Variants in TTLL11 observed in about 807,000 individuals in gnomAD.
TTLL11 encodes tubulin tyrosine ligase like 11.
TTLL11 carries 42 observed loss-of-function variants against 51.7 expected under a neutral mutation model. The observed-to-expected ratio is 0.81, with a 90% confidence interval of 0.64 to 1.05. The LOEUF (loss-of-function observed/expected upper bound fraction) is 1.05, where lower values mean the gene tolerates loss of function less well. TTLL11 is among the 50% of genes least tolerant of loss of function. TTLL11 has a pLI of 0.00. For synonymous variants in TTLL11, 381 were observed against 383.5 expected (o/e 0.99, Z 0.08); for missense variants, 799 against 940.4 (o/e 0.85, Z 1.97).
At chr9:121,878,773 G>A (rs909557633) in intron 6 of TTLL11, among the ~76,000 whole-genome samples, 1 of 152,222 alleles carries the variant, frequency 6.6e-6, no homozygotes, top group Non-Finnish European at 1.5e-5. Flanking sequence ...TGCCGGCCCT[G>A]AGCATGGAGC....
At chr9:122,018,664 C>G (rs778476461) in intron 3 of TTLL11, among the ~76,000 whole-genome samples, 2 of 152,174 alleles carry the variant, frequency 1.3e-5, no homozygotes, top group African/African-American at 2.4e-5. Flanking sequence ...GGTGCCAGGG[C>G]GCTCCAGCAA....
intron 6 of TTLL11, among the ~76,000 whole-genome samples, chr9:121,871,144 C>T (rs1471624404): frequency 2.0e-5 from 3 of 151,332 alleles, no homozygotes; most frequent in Non-Finnish European, 4.4e-5. Flanking sequence ...GAAGCCAGAA[C>T]ACAGTTCAAC....
intron 6 of TTLL11, among the ~76,000 whole-genome samples, chr9:121,884,036 T>G (rs900005161): frequency 2.0e-5 from 3 of 152,116 alleles, no homozygotes; most frequent in African/African-American, 7.2e-5. Flanking sequence ...GAATACCAAA[T>G]GTAAAGAACC....
intron 1 of TTLL11, among the ~76,000 whole-genome samples, chr9:122,071,441 A>G (rs1324646711): frequency 6.6e-6 from 1 of 152,118 alleles, no homozygotes; most frequent in Non-Finnish European, 1.5e-5. Context: ...AGATGCAAGA[A>G]AGGGGGCACC....
intron 6 of TTLL11, among the ~76,000 whole-genome samples, chr9:121,955,613 G>C (rs1450580182): frequency 1.3e-5 from 2 of 152,154 alleles, no homozygotes; most frequent in Admixed American, 6.5e-5. Context: ...GGGAGCAAAA[G>C]AAAAAGTCTA....
intron 6 of TTLL11, among the ~76,000 whole-genome samples, chr9:121,935,928 C>A (rs958983948): frequency 2.0e-5 from 3 of 152,188 alleles, no homozygotes; most frequent in Non-Finnish European, 4.4e-5. Context: ...CCCGACAGGT[C>A]TCCAGGTACC....
At chr9:122,002,490 AGAG>A (rs1226050239) in intron 3 of TTLL11, among the ~76,000 whole-genome samples, 2 of 152,298 alleles carry the variant, frequency 1.3e-5, no homozygotes, top group Admixed American at 6.5e-5. Context: ...TGACTCAAGG[AGAG>A]GAGAAGGGAA....
At chr9:121,901,110 G>T (rs1480809670) in intron 6 of TTLL11, among the ~76,000 whole-genome samples, 2 of 152,162 alleles carry the variant, frequency 1.3e-5, no homozygotes, top group African/African-American at 2.4e-5. Flanking sequence ...CTGTAAATGG[G>T]ATTGTGCTCT....
Position 121,819,818 on chromosome 9 carries a change from G to A in TTLL11, c.*2769C>T, listed in dbSNP as rs552442290. Among the ~76,000 whole-genome samples the A allele has an allele frequency of 3.9e-5, 6 of 152,304 alleles. No homozygotes were observed. Among genetic ancestry groups the A allele is most frequent in the African/African-American group, 1.2e-4 (5 of 41,550 alleles). On this transcript the variant is annotated 3_prime_UTR_variant, in exon 9 of 9. Coordinates refer to ENST00000321582, the MANE Select transcript of TTLL11 (RefSeq NM_001139442.2). The stretch of plus-strand genomic sequence containing the variant: ...TCGTTTCAATTACATCCAATAAAAC[G>A]AGTGGCCGATTACCAAAGGGGTAAA...
At chr9:121,999,684 T>C (rs2131720210) in intron 3 of TTLL11, among the ~76,000 whole-genome samples, 1 of 152,308 alleles carries the variant, frequency 6.6e-6, no homozygotes, top group East Asian at 1.9e-4. Flanking sequence ...CATTAAAGGG[T>C]GAGCCACATC....
chr9:122,014,872 C>G (rs1200857031), intron 3 of TTLL11, among the ~76,000 whole-genome samples: 1 of 152,142 alleles, frequency 6.6e-6, no homozygotes. Flanking sequence ...GAATGGTCAC[C>G]TTCCTCTACC....
intron 2 of TTLL11, among the ~76,000 whole-genome samples, chr9:122,032,647 C>CAA (rs1384330202): frequency 2.4e-5 from 2 of 85,096 alleles, no homozygotes; most frequent in East Asian, 2.9e-4. Flanking sequence ...GACTCCGTCT[C>CAA]AAAAAAAAAA....
At chr9:122,018,536 T>A (rs1844063413) in intron 3 of TTLL11, among the ~76,000 whole-genome samples, 1 of 152,208 alleles carries the variant, frequency 6.6e-6, no homozygotes, top group African/African-American at 2.4e-5. Context: ...CATTTCATCA[T>A]CACAGACTCA....
Position 122,001,036 on chromosome 9 carries a change from GGTTTT to G in TTLL11, c.694-11271_694-11267del, listed in dbSNP as rs527378693. ...CTGATATTGGTTTTTTTCTTTTTCA[GGTTTT>G]GTTTTGTTTTGTTCTTCAGTACCTT... is the stretch of plus-strand genomic sequence containing the variant. On this transcript the variant is annotated intron_variant, in intron 3 of 8. Coordinates refer to ENST00000321582, the MANE Select transcript of TTLL11 (RefSeq NM_001139442.2). 5.4e-3 allele frequency among the ~76,000 whole-genome samples: 817 copies of G among 152,166 alleles called. 6 individuals are homozygous for G. The highest frequency in any genetic ancestry group is 0.02 in the Middle Eastern group (6 of 294).
chr9:122,046,968 T>C (rs2050470285), intron 1 of TTLL11, among the ~76,000 whole-genome samples: 1 of 152,148 alleles, frequency 6.6e-6, no homozygotes, highest in Admixed American at 6.5e-5. Flanking sequence ...CAATGGGAAA[T>C]GTCTGCCTTC....
chr9:121,917,317 T>A (rs1005210067), intron 6 of TTLL11, among the ~76,000 whole-genome samples: 18 of 148,090 alleles, frequency 1.2e-4, no homozygotes, highest in African/African-American at 2.8e-4. Flanking sequence ...AAAAAAAAAA[T>A]GAAAAAAATT....
intron 1 of TTLL11, among the ~76,000 whole-genome samples, chr9:122,056,602 C>G (rs1368611873): frequency 6.6e-6 from 1 of 152,130 alleles, no homozygotes; most frequent in Non-Finnish European, 1.5e-5. Context: ...CTTTAACTGT[C>G]ATAGAACTGC....
chr9:121,899,378 C>CATATATATATATATATATATACAT (rs1839670454), intron 6 of TTLL11, among the ~76,000 whole-genome samples: 2 of 130,462 alleles, frequency 1.5e-5, no homozygotes, highest in African/African-American at 2.9e-5. Flanking sequence ...TATATATATA[C>CATATATATATATATATATATACAT]ATATATATAT....
At chr9:122,085,333 A>G (rs560618260) in intron 1 of TTLL11, among the ~76,000 whole-genome samples, 2 of 152,272 alleles carry the variant, frequency 1.3e-5, no homozygotes, top group South Asian at 4.1e-4. Context: ...ATTCAATTAG[A>G]CTTAGGAAAC....
Sources: gnomAD v4.1 joint callset for allele counts (sites outside exome capture counted in the v4.1 genomes callset) on GRCh38, gnomAD v4.1.1 for gene constraint, MANE v1.5 for transcripts, NCBI Gene and HGNC (gene_info 2026-07-23, HGNC 2026-07-21) for gene names.